FBXO42: variants seen among roughly 807,000 people sequenced by gnomAD.
FBXO42 encodes F-box protein 42.
Under a neutral mutation model 71.7 loss-of-function variants are expected in FBXO42, and 12 were observed. The ratio of observed to expected loss-of-function variants is 0.17; its 90% CI spans 0.11 to 0.27. The LOEUF (loss-of-function observed/expected upper bound fraction) is 0.27. Among genes scored for constraint, FBXO42 ranks in the 10% least tolerant of loss-of-function variants. The probability of loss-of-function intolerance (pLI) is 1.00; values close to 1 mark genes in which losing one functional copy is unlikely to be tolerated. For missense variants in FBXO42, 707 were observed against 911.9 expected, an observed-to-expected ratio of 0.78 and a Z score of 2.89; for synonymous variants, 325 against 327.5, an observed-to-expected ratio of 0.99 and a Z score of 0.08.
At chr1:16,347,022 G>C (rs544312842) in intron 1 of FBXO42, among the ~76,000 whole-genome samples, 187 of 151,804 alleles carry the variant, frequency 1.2e-3, no homozygotes, top group Non-Finnish European at 1.3e-3. Flanking sequence ...TGGGATTATA[G>C]GCATGAGCCA....
chr1:16,310,935 C>T (rs936112030), intron 2 of FBXO42, among the ~76,000 whole-genome samples: 45 of 151,520 alleles, frequency 3.0e-4, no homozygotes, highest in African/African-American at 1.1e-3. Flanking sequence ...TATTGTGCCA[C>T]TGCACTCCAG....
At chr1:16,312,650 TG>T (rs971764642) in intron 2 of FBXO42, among the ~76,000 whole-genome samples, 1 of 152,174 alleles carries the variant, frequency 6.6e-6, no homozygotes, top group Non-Finnish European at 1.5e-5. Flanking sequence ...TGAACATTAA[TG>T]TAAACTATGG....
At chr1:16,309,567 G>A (rs1473596873) in intron 2 of FBXO42, among the ~76,000 whole-genome samples, 3 of 152,040 alleles carry the variant, frequency 2.0e-5, no homozygotes, top group Non-Finnish European at 4.4e-5. Flanking sequence ...CTTTGGGGAT[G>A]ACTTTTTATA....
At chr1:16,280,817 G>T (rs559150211) in intron 4 of FBXO42, among the ~76,000 whole-genome samples, 1 of 152,202 alleles carries the variant, frequency 6.6e-6, no homozygotes, top group Admixed American at 6.6e-5. Flanking sequence ...ACTACTCACA[G>T]CATGGCTTAG....
intron 4 of FBXO42, among the ~76,000 whole-genome samples, chr1:16,272,752 G>A (rs1387590161): frequency 2.6e-5 from 4 of 152,190 alleles, no homozygotes; most frequent in Non-Finnish European, 5.9e-5. Flanking sequence ...GTTAGTCATC[G>A]AAATTTGTGT....
At chr1:16,304,885 T>C (rs1228642343) in intron 3 of FBXO42, among the ~76,000 whole-genome samples, 1 of 151,146 alleles carries the variant, frequency 6.6e-6, no homozygotes, top group African/African-American at 2.4e-5. Flanking sequence ...AGGAGAATCA[T>C]TTGAACCCAA....
chr1:16,309,388 T>C (rs1373993783), intron 2 of FBXO42, among the ~76,000 whole-genome samples: 1 of 151,890 alleles, frequency 6.6e-6, no homozygotes, highest in Non-Finnish European at 1.5e-5. Context: ...ACCCCATCTC[T>C]TAAAGAAAAA....
intron 4 of FBXO42, among the ~76,000 whole-genome samples, chr1:16,259,765 C>CAAA (rs562076269): frequency 1.4e-5 from 1 of 69,946 alleles, no homozygotes; most frequent in African/African-American, 4.1e-5. Context: ...GACTCTGTCT[C>CAAA]AAAAAAAAAA....
At chr1:16,345,507 T>G (rs753718353) in intron 1 of FBXO42, among the ~76,000 whole-genome samples, 1 of 151,696 alleles carries the variant, frequency 6.6e-6, no homozygotes, top group African/African-American at 2.4e-5. Context: ...CCTGTAGCAA[T>G]GAGCATCCCT....
At chr1:16,349,470 A>C (rs918418639) in intron 1 of FBXO42, among the ~76,000 whole-genome samples, 6 of 152,216 alleles carry the variant, frequency 3.9e-5, no homozygotes, top group Non-Finnish European at 8.8e-5. Flanking sequence ...TTTATTTTAC[A>C]TTTTACAAAG....
At chr1:16,322,872 C>T (rs1269168062) in intron 1 of FBXO42, among the ~76,000 whole-genome samples, 1 of 152,074 alleles carries the variant, frequency 6.6e-6, no homozygotes, top group African/African-American at 2.4e-5. Flanking sequence ...GGAGAAAATC[C>T]GTAACCTAGA....
At chr1:16,253,326 C>T in intron 7 of FBXO42, 174 bp from the exon 8 acceptor site, 1 of 613,448 alleles carries the variant, frequency 1.6e-6, no homozygotes, top group Non-Finnish European at 2.9e-6. Flanking sequence ...GAATAAATTA[C>T]TGATAATTCA....
At chr1:16,292,055 T>C (rs933184605) in intron 4 of FBXO42, among the ~76,000 whole-genome samples, 45 of 152,216 alleles carry the variant, frequency 3.0e-4, no homozygotes, top group African/African-American at 1.1e-3. Flanking sequence ...TAGCCTCTAA[T>C]TGCAGATTAG....
intron 1 of FBXO42, among the ~76,000 whole-genome samples, chr1:16,319,512 C>G (rs1022005015): frequency 1.3e-5 from 2 of 152,124 alleles, no homozygotes; most frequent in Non-Finnish European, 2.9e-5. Flanking sequence ...CTTAAGTCCA[C>G]CTGGTGGTAT....
Position 16,323,812 on chromosome 1 carries a change from A to G in FBXO42, c.-17-8377T>C, listed in dbSNP as rs1569924265. On this transcript the variant is annotated intron_variant, in intron 1 of 9. Coordinates refer to ENST00000375592, the MANE Select transcript of FBXO42 (RefSeq NM_018994.3). ...TCTGTCTCAAAAAAAAAAAAAAAAA[A>G]AAAAAAGAATAAGGGACAAGAAGGA... 2.0e-5 allele frequency among the ~76,000 whole-genome samples: 3 copies of G among 151,146 alleles called. No individual in the cohort carries two copies. In the South Asian group the frequency reaches 6.2e-4, roughly 31 times the overall value.
rs1256688021 is a variant in FBXO42 at position 16,249,247 on chromosome 1, C to T, written c.*1423G>A. Reference sequence around the variant, plus strand: ...CCCAGGCCATGGTTGAGACTAGTAACTTTCTGTATCAAGCAAAGAAATGCT... The same window carrying T: ...CCCAGGCCATGGTTGAGACTAGTAATTTTCTGTATCAAGCAAAGAAATGCT... On this transcript the variant is annotated 3_prime_UTR_variant, in exon 10 of 10. Coordinates refer to ENST00000375592, the MANE Select transcript of FBXO42 (RefSeq NM_018994.3). The T allele has an allele frequency of 6.6e-6, 1 of 152,164 alleles. No individual in the cohort carries two copies. The highest frequency in any genetic ancestry group is 6.5e-5 in the Admixed American group (1 of 15,282). The allele number at this position is 152,164 out of a possible 1,614,324, so 9.4% of individuals were successfully genotyped here. A position where few individuals can be genotyped will look rare whatever the true frequency, so the allele number is the denominator to read the frequency against.
intron 4 of FBXO42, among the ~76,000 whole-genome samples, chr1:16,282,256 C>T (rs746507976): frequency 2.3e-4 from 35 of 149,052 alleles, no homozygotes; most frequent in African/African-American, 5.4e-4. Flanking sequence ...GACAGAGTCT[C>T]ACTCTGTCCC....
intron 1 of FBXO42, among the ~76,000 whole-genome samples, chr1:16,317,841 C>A (rs2082381630): frequency 6.6e-6 from 1 of 150,946 alleles, no homozygotes; most frequent in Non-Finnish European, 1.5e-5. Flanking sequence ...ATCACTTGAG[C>A]CCAAGAGTTT....
chr1:16,300,559 A>G, intron 3 of FBXO42, among the ~76,000 whole-genome samples: 1 of 152,172 alleles, frequency 6.6e-6, no homozygotes, highest in East Asian at 1.9e-4. Context: ...CCAGGGAAAG[A>G]TCCTGAGGCA....
Sources: gnomAD v4.1 joint callset for allele counts (sites outside exome capture counted in the v4.1 genomes callset) on GRCh38, gnomAD v4.1.1 for gene constraint, MANE v1.5 for transcripts, NCBI Gene and HGNC (gene_info 2026-07-23, HGNC 2026-07-21) for gene names.